Variants in RBFOX1 observed in about 807,000 individuals in gnomAD.
RBFOX1 encodes the protein RNA binding protein fox-1 homolog 1.
Under a neutral mutation model 57.7 loss-of-function variants are expected in RBFOX1, and 8 were observed. That is an observed-to-expected ratio of 0.14 (90% confidence interval 0.08 to 0.25). The LOEUF (loss-of-function observed/expected upper bound fraction) is 0.25, where lower values mean the gene tolerates loss of function less well. Among genes scored for constraint, RBFOX1 ranks in the 10% least tolerant of loss-of-function variants. The probability of loss-of-function intolerance (pLI) is 1.00; values close to 1 mark genes in which losing one functional copy is unlikely to be tolerated. For missense variants in RBFOX1, 611 were observed against 548.5 expected, an observed-to-expected ratio of 1.11 and a Z score of -1.14; for synonymous variants, 326 against 222.4, an observed-to-expected ratio of 1.47 and a Z score of -4.15.
chr16:5,410,141 A>C (rs1344466612), intron 1 of RBFOX1, among the ~76,000 whole-genome samples: 2 of 151,970 alleles, frequency 1.3e-5, no homozygotes, highest in African/African-American at 4.8e-5. Context: ...ATGTGGGTGG[A>C]ACACTTCAGC....
chr16:7,219,075 C>G (rs1042475342), intron 4 of RBFOX1, among the ~76,000 whole-genome samples: 1 of 152,128 alleles, frequency 6.6e-6, no homozygotes, highest in African/African-American at 2.4e-5. Flanking sequence ...GTGGAGTTGG[C>G]CACCAGCAGT....
In RBFOX1 at chr16:6,502,616, C is replaced by T. The variant is rs142787035; in HGVS notation, c.-63-151987C>T. Among the ~76,000 whole-genome samples the T allele has an allele frequency of 2.9e-4, 44 of 152,162 alleles. 1 individual carries two copies. The East Asian group carries it at 7.2e-3, about 25-fold the overall frequency. On this transcript the variant is annotated intron_variant, in intron 2 of 15. Coordinates refer to ENST00000550418, the MANE Select transcript of RBFOX1 (RefSeq NM_018723.4). ...GGTCAAGGAGGGGAGGGAGAGGTGC[C>T]ATCCATGGTGGATAAGTTGTGCTAG...
At chr16:6,873,617 G>C (rs558425055) in intron 3 of RBFOX1, among the ~76,000 whole-genome samples, 5 of 152,222 alleles carry the variant, frequency 3.3e-5, no homozygotes, top group African/African-American at 1.2e-4. Context: ...TACTGGGATT[G>C]TGTAAGATTT....
At chr16:6,483,457 G>T (rs1318139529) in intron 2 of RBFOX1, 2 of 1,535,554 alleles carry the variant, frequency 1.3e-6, no homozygotes, top group Admixed American at 2.0e-5. Context: ...CTCCCGTGCT[G>T]TGTTTTCCCG....
At chr16:5,802,009 C>A (rs748788609) in intron 3 of RBFOX1, among the ~76,000 whole-genome samples, 1 of 152,078 alleles carries the variant, frequency 6.6e-6, no homozygotes, top group Non-Finnish European at 1.5e-5. Flanking sequence ...AGGCTGCATT[C>A]GCTGGAGGAA....
intron 3 of RBFOX1, among the ~76,000 whole-genome samples, chr16:5,753,879 A>G (rs1435406113): frequency 6.6e-6 from 1 of 151,922 alleles, no homozygotes; most frequent in Non-Finnish European, 1.5e-5. Context: ...CACAAAAATC[A>G]ATGATCTAAA....
At chr16:6,706,711 C>CTTTTT (rs33986994) in intron 3 of RBFOX1, among the ~76,000 whole-genome samples, 1 of 142,254 alleles carries the variant, frequency 7.0e-6, no homozygotes, top group African/African-American at 2.6e-5. Context: ...CAGCTGCAGT[C>CTTTTT]TTTTTTTTTT....
chr16:7,017,535 C>A (rs890123774), intron 3 of RBFOX1, among the ~76,000 whole-genome samples: 1 of 152,104 alleles, frequency 6.6e-6, no homozygotes, highest in Admixed American at 6.6e-5. Flanking sequence ...AAGAAGCCAA[C>A]GGAACAGAGA....
Position 6,178,335 on chromosome 16 carries a change from C to T in RBFOX1, c.-126-138660C>T, listed in dbSNP as rs565691867. Reference sequence around the variant, plus strand: ...CCAAGTAGCTGGGATTACAGGCACGCGCCACCATGCCTAACTTTTTGGTAT... The same window carrying T: ...CCAAGTAGCTGGGATTACAGGCACGTGCCACCATGCCTAACTTTTTGGTAT... On this transcript the variant is annotated intron_variant, in intron 1 of 15. Transcript: ENST00000550418. Among the ~76,000 whole-genome samples the T allele has an allele frequency of 1.1e-4, 17 of 151,768 alleles. No homozygotes were observed. The East Asian group carries it at 1.8e-3, about 16-fold the overall frequency.
chr16:5,615,468 A>G (rs1034760028), intron 3 of RBFOX1, among the ~76,000 whole-genome samples: 6 of 152,242 alleles, frequency 3.9e-5, no homozygotes, highest in South Asian at 4.1e-4. Context: ...TTATCTGAAC[A>G]GGCACCTTAT....
chr16:7,405,851 G>A (rs934334789), intron 4 of RBFOX1, among the ~76,000 whole-genome samples: 1 of 152,124 alleles, frequency 6.6e-6, no homozygotes, highest in Non-Finnish European at 1.5e-5. Flanking sequence ...TGAGATCACA[G>A]TCCTAGGTCT....
At chr16:7,664,412 G>A (rs988526283) in intron 12 of RBFOX1, among the ~76,000 whole-genome samples, 1 of 152,090 alleles carries the variant, frequency 6.6e-6, no homozygotes, top group Non-Finnish European at 1.5e-5. Context: ...GAATATAGAA[G>A]AAAATTTTTG....
At chr16:6,817,913 T>C (rs1051133134) in intron 3 of RBFOX1, among the ~76,000 whole-genome samples, 4 of 152,128 alleles carry the variant, frequency 2.6e-5, no homozygotes, top group East Asian at 3.9e-4. Context: ...TCCTGGGCCA[T>C]TGCCCAAAAA....
intron 2 of RBFOX1, among the ~76,000 whole-genome samples, chr16:6,630,601 C>G (rs1232073879): frequency 1.3e-5 from 2 of 152,182 alleles, no homozygotes; most frequent in Non-Finnish European, 2.9e-5. Context: ...TTGTTCAAGT[C>G]TCCTTGCTAG....
intron 3 of RBFOX1, among the ~76,000 whole-genome samples, chr16:6,707,600 T>C (rs1322354308): frequency 6.7e-6 from 1 of 150,128 alleles, no homozygotes; most frequent in Admixed American, 6.7e-5. Flanking sequence ...TCAATGGACA[T>C]ACTGAATTGA....
chr16:6,801,955 C>T, intron 3 of RBFOX1, among the ~76,000 whole-genome samples: 1 of 152,022 alleles, frequency 6.6e-6, no homozygotes, highest in East Asian at 1.9e-4. Flanking sequence ...CTAAATGGGT[C>T]TAGGTGCTGG....
chr16:6,876,116 G>T (rs2061799641), intron 3 of RBFOX1, among the ~76,000 whole-genome samples: 1 of 152,192 alleles, frequency 6.6e-6, no homozygotes, highest in Non-Finnish European at 1.5e-5. Context: ...CCCGGAGATT[G>T]AGGCTGCAGT....
intron 4 of RBFOX1, among the ~76,000 whole-genome samples, chr16:7,108,284 T>C (rs1040310181): frequency 2.6e-5 from 4 of 152,184 alleles, no homozygotes; most frequent in Admixed American, 1.3e-4. Context: ...GCTCAACATA[T>C]ATGCTCACAA....
intron 1 of RBFOX1, among the ~76,000 whole-genome samples, chr16:5,317,094 C>G (rs536499625): frequency 6.6e-6 from 1 of 152,284 alleles, no homozygotes; most frequent in African/African-American, 2.4e-5. Flanking sequence ...TGGACTGAGC[C>G]ACACTACCAT....
Sources: allele counts gnomAD v4.1 joint callset (sites outside exome capture counted in the v4.1 genomes callset), GRCh38; gene constraint gnomAD v4.1.1; transcripts MANE v1.5; gene names NCBI Gene and HGNC (gene_info 2026-07-23, HGNC 2026-07-21).